ASTN2: variants seen among roughly 807,000 people sequenced by gnomAD.
ASTN2 encodes astrotactin-2.
Under a neutral mutation model 139.8 loss-of-function variants are expected in ASTN2, and 54 were observed. The observed-to-expected ratio is 0.39, with a 90% CI of 0.31 to 0.48. ASTN2 has a LOEUF of 0.48. ASTN2 is among the 20% of genes least tolerant of loss of function. The pLI is 0.95. For synonymous variants in ASTN2, 756 were observed against 719.5 expected, an observed-to-expected ratio of 1.05 and a Z score of -0.81; for missense variants, 1,565 against 1,725.1, an observed-to-expected ratio of 0.91 and a Z score of 1.64.
At chr9:117,289,727 A>T in intron 2 of ASTN2, among the ~76,000 whole-genome samples, 1 of 152,138 alleles carries the variant, frequency 6.6e-6, no homozygotes, top group East Asian at 1.9e-4. Context: ...GGTGCTTATA[A>T]ATTTGCACCC....
At chr9:116,743,326 A>G (rs1829143299) in intron 13 of ASTN2, among the ~76,000 whole-genome samples, 2 of 152,136 alleles carry the variant, frequency 1.3e-5, no homozygotes, top group Admixed American at 1.3e-4. Flanking sequence ...CGAGGCAGGC[A>G]GATCTTGAGG....
At position 116,747,477 on chromosome 9, in the gene ASTN2, CA is replaced by C. The variant is rs553674970; in HGVS notation, c.2397-13955del. Among the ~76,000 whole-genome samples the C allele has an allele frequency of 3.4e-4, 51 of 152,192 alleles. No homozygotes were observed. The South Asian group carries it at 0.01, about 30-fold the overall frequency. ...TTAGGTTCTCTGCAGGCTTTGTTTC[CA>C]ACCCTCTCAACAACCTTGTGAGTTA... On this transcript the variant is annotated intron_variant, in intron 13 of 22. Coordinates refer to ENST00000313400, the MANE Select transcript of ASTN2 (RefSeq NM_001365068.1).
intron 16 of ASTN2, among the ~76,000 whole-genome samples, chr9:116,682,059 A>T (rs965593242): frequency 7.2e-5 from 11 of 151,830 alleles, no homozygotes; most frequent in East Asian, 5.8e-4. Context: ...TCTGCACAGC[A>T]AAAGAAACTA....
chr9:117,338,969 T>C (rs935944684), intron 1 of ASTN2, among the ~76,000 whole-genome samples: 1 of 152,098 alleles, frequency 6.6e-6, no homozygotes, highest in African/African-American at 2.4e-5. Flanking sequence ...AATGCAGTTA[T>C]CTAGGGGACA....
chr9:116,982,517 A>C (rs1255338131), intron 7 of ASTN2, among the ~76,000 whole-genome samples: 1 of 151,880 alleles, frequency 6.6e-6, no homozygotes, highest in Non-Finnish European at 1.5e-5. Context: ...TGCAAAACCC[A>C]AAAGACCACA....
intron 11 of ASTN2, among the ~76,000 whole-genome samples, chr9:116,849,686 C>A (rs958986524): frequency 2.6e-5 from 4 of 152,102 alleles, no homozygotes; most frequent in African/African-American, 4.8e-5. Context: ...CAGGGCCAGG[C>A]CTTCATTAGG....
chr9:116,958,602 C>CA (rs201900550), intron 10 of ASTN2, among the ~76,000 whole-genome samples: 13 of 151,592 alleles, frequency 8.6e-5, no homozygotes, highest in East Asian at 5.8e-4. Flanking sequence ...AACAAACAAA[C>CA]AAAAAAAAGA....
chr9:117,060,486 A>G (rs1839246921), intron 5 of ASTN2, among the ~76,000 whole-genome samples: 1 of 71,992 alleles, frequency 1.4e-5, no homozygotes, highest in African/African-American at 7.0e-5. Context: ...GGAAGGAAGG[A>G]ATGAAAGAAA....
intron 13 of ASTN2, among the ~76,000 whole-genome samples, chr9:116,739,527 AC>A (rs1434827875): frequency 6.6e-6 from 1 of 151,738 alleles, no homozygotes; most frequent in Non-Finnish European, 1.5e-5. Context: ...AACAACTCCT[AC>A]TCATCATTCA....
chr9:116,807,337 T>C (rs1248942997), intron 12 of ASTN2, among the ~76,000 whole-genome samples: 2 of 152,158 alleles, frequency 1.3e-5, no homozygotes, highest in African/African-American at 4.8e-5. Context: ...AAGACAAGCA[T>C]AGCTGGAAAC....
intron 1 of ASTN2, among the ~76,000 whole-genome samples, chr9:117,362,619 C>T (rs2081630811): frequency 1.3e-5 from 2 of 152,098 alleles, no homozygotes; most frequent in Non-Finnish European, 2.9e-5. Context: ...TTCAGGATGG[C>T]AAGAGCTTCC....
At chr9:116,731,102 C>T (rs1828765288) in intron 14 of ASTN2, among the ~76,000 whole-genome samples, 1 of 151,638 alleles carries the variant, frequency 6.6e-6, no homozygotes, top group Admixed American at 6.6e-5. Flanking sequence ...TCTCATCTTG[C>T]CCTCCCCATC....
At chr9:117,266,409 GA>G (rs539937234) in intron 2 of ASTN2, among the ~76,000 whole-genome samples, 1,579 of 149,968 alleles carry the variant, frequency 0.011, 14 homozygotes, top group South Asian at 0.019. Flanking sequence ...GATGAAATAT[GA>G]AAAAAAAAAT....
intron 5 of ASTN2, among the ~76,000 whole-genome samples, chr9:117,060,951 A>T (rs1382589709): frequency 6.6e-6 from 1 of 152,058 alleles, no homozygotes; most frequent in African/African-American, 2.4e-5. Context: ...GACACGATAG[A>T]ATTTACACTA....
rs183800846 is a variant in ASTN2, at chr9:117,025,705, G to A, written c.1423+14114C>T. Among the ~76,000 whole-genome samples, 695 of 152,154 alleles carry A rather than the reference G, an allele frequency of 4.6e-3. 24 individuals are homozygous for A. Among genetic ancestry groups the A allele is most frequent in the Admixed American group, 0.041 (627 of 15,266 alleles). On this transcript the variant is annotated intron_variant, in intron 6 of 22. Transcript: ENST00000313400. ...GAGATCCGGCAAATTAATTTTACTC[G>A]CAGGACACAGTGACATCTCCTACTA...
chr9:116,576,694 G>A (rs760912194), intron 19 of ASTN2, among the ~76,000 whole-genome samples: 10 of 152,204 alleles, frequency 6.6e-5, no homozygotes, highest in Middle Eastern at 3.4e-3. Context: ...CACAATGAAC[G>A]TTTCGGGCAT....
At chr9:116,502,199 G>A (rs1328883173) in intron 19 of ASTN2, among the ~76,000 whole-genome samples, 1 of 151,868 alleles carries the variant, frequency 6.6e-6, no homozygotes, top group African/African-American at 2.4e-5. Context: ...GAGACAGAGA[G>A]ACAGGGACAG....
chr9:117,264,146 AG>A lies in ASTN2; in HGVS notation c.630+27179del, dbSNP rs554498105. On this transcript the variant is annotated intron_variant, in intron 2 of 22. Transcript: ENST00000313400. ...TCCACATAATACTGTTACTTCACTT[AG>A]TTTCTTGTCCAGTAAAATCTACAAT... Among the ~76,000 whole-genome samples, 199 of 152,306 alleles carry A rather than the reference AG, an allele frequency of 1.3e-3. 1 individual carries two copies. The highest frequency in any genetic ancestry group is 4.4e-3 in the African/African-American group (184 of 41,572).
At chr9:116,643,719 T>C (rs1453081025) in intron 17 of ASTN2, among the ~76,000 whole-genome samples, 1 of 152,190 alleles carries the variant, frequency 6.6e-6, no homozygotes, top group Non-Finnish European at 1.5e-5. Flanking sequence ...CTGATGGATA[T>C]TATTGTCTTC....
Sources: allele counts gnomAD v4.1 joint callset (sites outside exome capture counted in the v4.1 genomes callset), GRCh38; gene constraint gnomAD v4.1.1; transcripts MANE v1.5; gene names NCBI Gene and HGNC (gene_info 2026-07-23, HGNC 2026-07-21).